The following TBL1X variants were observed in gnomAD, a reference collection of about 807,000 sequenced individuals.
TBL1X encodes F-box-like/WD repeat-containing protein TBL1X.
In TBL1X, 10 loss-of-function variants were observed where a neutral mutation model predicts 50.7. That is an observed-to-expected ratio of 0.20 (90% CI 0.12 to 0.33). TBL1X has a LOEUF of 0.33. Ranked by LOEUF, TBL1X falls within the 10% of genes least tolerant of loss-of-function variation. TBL1X has a pLI of 1.00. For synonymous variants in TBL1X, 190 were observed against 214.7 expected, an observed-to-expected ratio of 0.88 and a Z score of 1.01; for missense variants, 340 against 504.4, an observed-to-expected ratio of 0.67 and a Z score of 3.12.
intron 2 of TBL1X, among the ~76,000 whole-genome samples, chrX:9,524,731 T>G (rs921856460): frequency 8.9e-6 from 1 of 112,172 alleles, no homozygotes; most frequent in African/African-American, 3.2e-5. Flanking sequence ...TTCTTTGATG[T>G]GTGCTTTCTA....
At chrX:9,618,926 G>T (rs142278343) in intron 2 of TBL1X, among the ~76,000 whole-genome samples, 1 of 111,806 alleles carries the variant, frequency 8.9e-6, no homozygotes, top group Non-Finnish European at 1.9e-5. Flanking sequence ...AAGGCATGTT[G>T]TAGGTTCAGA....
chrX:9,524,861 C>T (rs1307883830), intron 2 of TBL1X, among the ~76,000 whole-genome samples: 1 of 112,212 alleles, frequency 8.9e-6, no homozygotes, highest in African/African-American at 3.2e-5. Flanking sequence ...AAGCGATCCT[C>T]CTGCCTCAGT....
intron 2 of TBL1X, among the ~76,000 whole-genome samples, chrX:9,548,066 A>G (rs1349316726): frequency 9.2e-6 from 1 of 108,234 alleles, no homozygotes; most frequent in Non-Finnish European, 1.9e-5. Flanking sequence ...ATAAAGTTCA[A>G]GATTCCTTGA....
At chrX:9,710,619 A>C (rs1489446471) in intron 15 of TBL1X, among the ~76,000 whole-genome samples, 1 of 112,690 alleles carries the variant, frequency 8.9e-6, no homozygotes, top group Non-Finnish European at 1.9e-5. Context: ...CTGTTGAAAG[A>C]AAGCAAGCCA....
chrX:9,585,299 T>G (rs1438583339), intron 2 of TBL1X, among the ~76,000 whole-genome samples: 1 of 107,920 alleles, frequency 9.3e-6, no homozygotes, highest in Non-Finnish European at 1.9e-5. Flanking sequence ...TAGAGTTGTG[T>G]TCTTCCAGCT....
At chrX:9,706,389 G>T (rs1014930412) in intron 13 of TBL1X, among the ~76,000 whole-genome samples, 1 of 111,467 alleles carries the variant, frequency 9.0e-6, no homozygotes, top group Non-Finnish European at 1.9e-5. Flanking sequence ...GGCAGTAACA[G>T]CCAAGTTTTC....
At chrX:9,690,730 C>T (rs1426299460) in intron 7 of TBL1X, among the ~76,000 whole-genome samples, 1 of 111,590 alleles carries the variant, frequency 9.0e-6, no homozygotes, top group Non-Finnish European at 1.9e-5. Flanking sequence ...GGATCATGGG[C>T]TGTAGTTAGC....
chrX:9,554,881 C>G (rs1453165766), intron 2 of TBL1X, among the ~76,000 whole-genome samples: 1 of 111,476 alleles, frequency 9.0e-6, no homozygotes, highest in East Asian at 2.8e-4. Flanking sequence ...CAGGAAGCGT[C>G]CCTGTAACCA....
chrX:9,465,003 G>C (rs1159559948), upstream of TBL1X: 1 of 109,453 alleles, frequency 9.1e-6, no homozygotes, highest in Non-Finnish European at 1.9e-5. Context: ...ACGGCCGTGA[G>C]GGAGGGGCCG....
intron 2 of TBL1X, chrX:9,639,738 A>G (rs1039012398): frequency 7.2e-5 from 8 of 111,395 alleles, no homozygotes; most frequent in Non-Finnish European, 1.5e-4. Context: ...TTTTATGAGC[A>G]CAGTACATGA....
intron 5 of TBL1X, among the ~76,000 whole-genome samples, chrX:9,682,530 T>G (rs1370361842): frequency 9.1e-6 from 1 of 110,088 alleles, no homozygotes; most frequent in Non-Finnish European, 1.9e-5. Context: ...GGAGGGAGAG[T>G]AGACAGAGAA....
intron 7 of TBL1X, among the ~76,000 whole-genome samples, chrX:9,689,819 T>C (rs1380990495): frequency 1.8e-5 from 2 of 112,774 alleles, no homozygotes; most frequent in Non-Finnish European, 3.8e-5. Context: ...ATGTTTTTCC[T>C]CTCTTCCAGC....
chrX:9,566,405 A>G (rs1601762052), intron 2 of TBL1X, among the ~76,000 whole-genome samples: 1 of 112,315 alleles, frequency 8.9e-6, no homozygotes, highest in African/African-American at 3.2e-5. Flanking sequence ...TTGGTAATAC[A>G]GGAAACACCA....
At chrX:9,672,139 A>G (rs746479578) in intron 5 of TBL1X, among the ~76,000 whole-genome samples, 1 of 112,611 alleles carries the variant, frequency 8.9e-6, no homozygotes, top group Admixed American at 9.4e-5. Context: ...GACACCCACA[A>G]AAATGGTCAG....
At chrX:9,672,989 T>C (rs73188230) in intron 5 of TBL1X, among the ~76,000 whole-genome samples, 20,091 of 111,175 alleles carry the variant, frequency 0.18, 1,445 homozygotes, top group Non-Finnish European at 0.22. Context: ...GGTTCATAGA[T>C]GGCGCCTTCT....
chrX:9,517,557 A>G (rs1180351336), intron 2 of TBL1X, among the ~76,000 whole-genome samples: 1 of 112,372 alleles, frequency 8.9e-6, no homozygotes, highest in Non-Finnish European at 1.9e-5. Flanking sequence ...AACTAAGGCC[A>G]AGGCAGTGAC....
chrX:9,494,685 G>A (rs2146944369), intron 1 of TBL1X, among the ~76,000 whole-genome samples: 1 of 112,073 alleles, frequency 8.9e-6, no homozygotes, highest in East Asian at 2.8e-4. Context: ...CTTTTTAAAG[G>A]ATTCCTTCCT....
intron 2 of TBL1X, among the ~76,000 whole-genome samples, chrX:9,555,424 A>G (rs1227393980): frequency 1.8e-5 from 2 of 111,435 alleles, no homozygotes; most frequent in African/African-American, 6.5e-5. Context: ...AATATCCCAC[A>G]TTTTTAGATT....
At chrX:9,609,723 G>T (rs970521115) in intron 2 of TBL1X, among the ~76,000 whole-genome samples, 2 of 111,074 alleles carry the variant, frequency 1.8e-5, no homozygotes, top group East Asian at 5.7e-4. Context: ...GTAAGTGGAG[G>T]GGCTGGGGCA....
Sources: gnomAD v4.1 joint callset for allele counts (sites outside exome capture counted in the v4.1 genomes callset) on GRCh38, gnomAD v4.1.1 for gene constraint, MANE v1.5 for transcripts, NCBI Gene and HGNC (gene_info 2026-07-23, HGNC 2026-07-21) for gene names.